PADI2: variants seen among roughly 807,000 people sequenced by gnomAD.
PADI2 encodes protein-arginine deiminase type-2.
In PADI2, 70 loss-of-function variants were observed where a neutral mutation model predicts 81.1. That is an observed-to-expected ratio of 0.86 (90% CI 0.71 to 1.05). The LOEUF (loss-of-function observed/expected upper bound fraction) is 1.05, where lower values mean the gene tolerates loss of function less well. PADI2 is among the 50% of genes least tolerant of loss of function. PADI2 has a pLI of 0.00. For synonymous variants in PADI2, 338 were observed against 358.0 expected (o/e 0.94, Z 0.63); for missense variants, 853 against 889.9 (o/e 0.96, Z 0.53).
chr1:17,089,098 T>C (rs956767633), intron 6 of PADI2, among the ~76,000 whole-genome samples: 1 of 151,974 alleles, frequency 6.6e-6, no homozygotes. Flanking sequence ...CTTGGACCTG[T>C]ATTACGAGGA....
intron 6 of PADI2, among the ~76,000 whole-genome samples, chr1:17,089,787 C>T (rs553625263): frequency 2.3e-4 from 35 of 152,314 alleles, no homozygotes; most frequent in African/African-American, 4.1e-4. Flanking sequence ...CCAACAATGC[C>T]GCTCTATTGA....
At chr1:17,070,017 C>T (rs1221090308) in intron 15 of PADI2, 71 bp downstream of exon 15, 13 of 1,533,544 alleles carry the variant, frequency 8.5e-6, no homozygotes, top group Non-Finnish European at 9.7e-6. Flanking sequence ...ACAGCTTCAG[C>T]TGAGGGGTCC....
rs777252074 is a variant in PADI2, at chr1:17,086,624, C to T, written c.731G>A (p.Gly244Asp). The part of the protein sequence containing the change: ...KLYHVVKYTG[G>D]SAELLFFVEG... The stretch of plus-strand genomic sequence containing the variant: ...CACGAAGAACAGCAGCTCCGCGGAG[C>T]CACCCGTGTACTTGACCACATGGTA... The change falls in exon 7 of 16, where the codon GGC (glycine) becomes GAC (aspartate). Residue 244 changes from glycine to aspartate, a missense_variant. Transcript: ENST00000375486. The T allele has an allele frequency of 2.5e-6, 4 of 1,613,930 alleles. No homozygotes were observed. In the African/African-American group the frequency reaches 4.0e-5, roughly 16 times the overall value.
At chr1:17,081,531 G>T (rs1443731387) in intron 10 of PADI2, among the ~76,000 whole-genome samples, 2 of 152,200 alleles carry the variant, frequency 1.3e-5, no homozygotes, top group Admixed American at 6.5e-5. Context: ...GGCAGAACAG[G>T]TGTGAACCTG....
chr1:17,071,806 C>G (rs2647206), intron 13 of PADI2, among the ~76,000 whole-genome samples: 148,347 of 152,244 alleles, frequency 0.97, 72,284 homozygotes, highest in East Asian at 1. Flanking sequence ...CTCCCACCTA[C>G]AGCCTACTCC....
intron 10 of PADI2, among the ~76,000 whole-genome samples, chr1:17,080,237 C>A (rs1443394249): frequency 6.6e-6 from 1 of 152,232 alleles, no homozygotes; most frequent in African/African-American, 2.4e-5. Flanking sequence ...CTGGCATCTT[C>A]CTGCAAAAGG....
At chr1:17,103,115 T>C in intron 2 of PADI2, 56 bp from the exon 3 acceptor site, 5 of 1,339,274 alleles carry the variant, frequency 3.7e-6, no homozygotes, top group Non-Finnish European at 5.3e-6. Context: ...AGATCACAGA[T>C]CACAAGCAGG....
Position 17,084,618 on chromosome 1 carries a change from C to T in PADI2, c.919G>A (p.Val307Met), listed in dbSNP as rs138264071. The change falls in exon 8 of 16, where the codon GTG (valine) becomes ATG (methionine). Residue 307 changes from valine (V) to methionine (M), a missense_variant. By Grantham distance (21) the Val-to-Met change is conservative (BLOSUM62 1). Coordinates refer to ENST00000375486, the MANE Select transcript of PADI2 (RefSeq NM_007365.3). Reference sequence around the variant, plus strand: ...CCTTACCAGCACACAAACACCGACACGGGAGGCAGGATGTTGGGGGTCATG... The same window carrying T: ...CCTTACCAGCACACAAACACCGACATGGGAGGCAGGATGTTGGGGGTCATG... Reference protein sequence around the residue: ...WIMTPNILPPVSVFVCCMKDN... With the variant: ...WIMTPNILPPMSVFVCCMKDN... The T allele has an allele frequency of 2.2e-5, 35 of 1,582,754 alleles. No individual in the cohort carries two copies. The highest frequency in any genetic ancestry group is 1.2e-4 in the East Asian group (5 of 42,834).
chr1:17,076,579 G>T (rs7514768), intron 11 of PADI2, among the ~76,000 whole-genome samples: 90,446 of 150,790 alleles, frequency 0.6, 27,495 homozygotes, highest in Middle Eastern at 0.7. Context: ...TTCTTTTTTT[G>T]TGTGTGTTTG....
intron 7 of PADI2, among the ~76,000 whole-genome samples, chr1:17,085,606 A>G (rs1257513104): frequency 1.3e-5 from 2 of 152,230 alleles, no homozygotes; most frequent in East Asian, 3.8e-4. Context: ...TGTCTTACAG[A>G]TGGAGAAACT....
chr1:17,099,728 G>C (rs1395905611), intron 3 of PADI2, among the ~76,000 whole-genome samples: 1 of 152,218 alleles, frequency 6.6e-6, no homozygotes, highest in Non-Finnish European at 1.5e-5. Context: ...AGAGAGAAAA[G>C]CAGGCGGAGC....
At chr1:17,070,023 G>A (rs1052190519) in intron 15 of PADI2, 65 bp downstream of exon 15, 4 of 1,548,392 alleles carry the variant, frequency 2.6e-6, no homozygotes, top group African/African-American at 1.4e-5. Context: ...TCAGCTGAGG[G>A]GTCCTTCTGG....
At chr1:17,073,620 G>A (rs959840844) in intron 13 of PADI2, among the ~76,000 whole-genome samples, 16 of 152,050 alleles carry the variant, frequency 1.1e-4, no homozygotes, top group African/African-American at 3.6e-4. Flanking sequence ...GAGTGGGGAG[G>A]GAGAGAGGAG....
At chr1:17,074,392 CAAA>C (rs71006417) in intron 13 of PADI2, among the ~76,000 whole-genome samples, 71,966 of 142,416 alleles carry the variant, frequency 0.51, 18,515 homozygotes, top group Non-Finnish European at 0.59. Flanking sequence ...AACTCTGTCT[CAAA>C]AAAAAAAAAA....
At position 17,074,934 on chromosome 1, in the gene PADI2, T is replaced by C; in HGVS notation, c.1471A>G (p.Met491Val). ...IPGTKKFLLL[M>V]ASTSACYKLF... ...TTGTAGCAGGCCGAGGTGCTGGCCA[T>C]GAGTAGCAGGAATTTCTGCAAGAGA... The change falls in exon 13 of 16, where the codon ATG becomes GTG. Residue 491 changes from methionine (M) to valine (V), a missense_variant. By Grantham distance (21) the Met-to-Val change is conservative. Coordinates refer to ENST00000375486, the MANE Select transcript of PADI2 (RefSeq NM_007365.3). 1.2e-6 allele frequency: 2 copies of C among 1,612,090 alleles called. No individual in the cohort carries two copies. The highest frequency in any genetic ancestry group is 8.5e-7 in the Non-Finnish European group (1 of 1,178,816).
At chr1:17,075,875 G>A (rs1223689339) in intron 11 of PADI2, 52 bp from the exon 12 acceptor site, 2 of 1,572,428 alleles carry the variant, frequency 1.3e-6, no homozygotes, top group East Asian at 2.2e-5. Context: ...GCACCAGAGG[G>A]CCTGCAAGAG....
chr1:17,100,034 G>T (rs548484181), intron 3 of PADI2, among the ~76,000 whole-genome samples: 4 of 107,088 alleles, frequency 3.7e-5, no homozygotes, highest in Non-Finnish European at 8.0e-5. Context: ...AGCCTCTCAA[G>T]ATATTGGGGT....
intron 2 of PADI2, among the ~76,000 whole-genome samples, 171 bp from the exon 3 acceptor site, chr1:17,103,230 C>A (rs1012761916): frequency 6.6e-6 from 1 of 152,194 alleles, no homozygotes; most frequent in African/African-American, 2.4e-5. Flanking sequence ...GGGCGGTTTC[C>A]CTCAGGTAAC....
chr1:17,112,852 T>C (rs2100216985), intron 1 of PADI2, among the ~76,000 whole-genome samples: 1 of 152,350 alleles, frequency 6.6e-6, no homozygotes, highest in Admixed American at 6.5e-5. Context: ...AAGTCCAATG[T>C]CTGAACGATG....
Sources: gnomAD v4.1 joint callset for allele counts (sites outside exome capture counted in the v4.1 genomes callset) on GRCh38, gnomAD v4.1.1 for gene constraint, MANE v1.5 for transcripts, NCBI Gene and HGNC (gene_info 2026-07-23, HGNC 2026-07-21) for gene names.